MYO1H: variants seen among roughly 807,000 people sequenced by gnomAD.
The protein encoded by MYO1H is myosin IH.
A neutral mutation model predicts 149.3 loss-of-function variants in MYO1H; 118 were observed. The ratio of observed to expected loss-of-function variants is 0.79; its 90% CI spans 0.68 to 0.92. The LOEUF is 0.92. Among genes scored for constraint, MYO1H ranks in the 40% least tolerant of loss-of-function variants. The pLI is 0.00. For synonymous variants in MYO1H, 447 were observed against 465.2 expected (o/e 0.96, Z 0.50); for missense variants, 1,212 against 1,280.7 (o/e 0.95, Z 0.82).
At chr12:109,359,015 T>C (rs962784852) in intron 1 of MYO1H, among the ~76,000 whole-genome samples, 5 of 152,088 alleles carry the variant, frequency 3.3e-5, no homozygotes, top group Non-Finnish European at 5.9e-5. Context: ...CGCTGATGTA[T>C]AGCAAGTGTT....
At chr12:109,360,640 T>C (rs367746928) in intron 1 of MYO1H, among the ~76,000 whole-genome samples, 125 of 151,994 alleles carry the variant, frequency 8.2e-4, no homozygotes, top group African/African-American at 2.5e-3. Context: ...TTGGTCCTTA[T>C]GGAAGATGTG....
At chr12:109,406,948 G>A (rs1304935993) in intron 9 of MYO1H, 88 bp downstream of exon 9, 2 of 1,231,010 alleles carry the variant, frequency 1.6e-6, no homozygotes, top group Non-Finnish European at 2.4e-6. Context: ...CTCAGGGGAG[G>A]CCAAACCTTT....
At chr12:109,445,231 CAG>C (rs1485011679) in intron 30 of MYO1H, among the ~76,000 whole-genome samples, 12 of 152,320 alleles carry the variant, frequency 7.9e-5, no homozygotes, top group Admixed American at 6.5e-4. Context: ...CTCAGCCCCT[CAG>C]AGTTTCAGTG....
chr12:109,409,451 G>A, intron 10 of MYO1H, 106 bp from the exon 11 acceptor site: 1 of 927,528 alleles, frequency 1.1e-6, no homozygotes, highest in East Asian at 2.4e-5. Context: ...GGAGACAGAG[G>A]ACATATGAGC....
chr12:109,330,783 G>T, the MYO1H span, among the ~76,000 whole-genome samples: 1 of 152,150 alleles, frequency 6.6e-6, no homozygotes, highest in African/African-American at 2.4e-5. Flanking sequence ...AAATTGCATT[G>T]TGGGATTTCC....
In MYO1H at chr12:109,405,222, A is replaced by C. The variant is rs572675627; in HGVS notation, c.850-700A>C. ...AGCAAGACCCTGTCTCTTAAAAAAAAAGATAGATGGATGGATAGATAGATA... is the reference window on the plus strand; with the variant it reads ...AGCAAGACCCTGTCTCTTAAAAAAACAGATAGATGGATGGATAGATAGATA... On this transcript the variant is annotated intron_variant, in intron 7 of 31. Coordinates refer to ENST00000310903, the Ensembl canonical transcript of MYO1H. 4.1e-4 allele frequency among the ~76,000 whole-genome samples: 63 copies of C among 152,258 alleles called. 2 individuals carry two copies. Among genetic ancestry groups the C allele is most frequent in the Admixed American group, 3.7e-3 (56 of 15,288 alleles).
At chr12:109,362,982 C>T (rs1271574369) in intron 1 of MYO1H, among the ~76,000 whole-genome samples, 1 of 152,182 alleles carries the variant, frequency 6.6e-6, no homozygotes, top group Admixed American at 6.5e-5. Flanking sequence ...TGGAGAGTCC[C>T]TCGTTCATAG....
At chr12:109,326,749 G>A in the MYO1H span, among the ~76,000 whole-genome samples, 8 of 151,776 alleles carry the variant, frequency 5.3e-5, no homozygotes. Flanking sequence ...CAAATCCCTG[G>A]CTTCAAGCAA....
intron 7 of MYO1H, among the ~76,000 whole-genome samples, chr12:109,405,230 T>C (rs1339340130): frequency 2.0e-5 from 3 of 151,966 alleles, no homozygotes; most frequent in South Asian, 4.2e-4. Flanking sequence ...AAAAGATAGA[T>C]GGATGGATAG....
chr12:109,391,015 G>A (rs147999786), intron 2 of MYO1H, among the ~76,000 whole-genome samples: 287 of 152,260 alleles, frequency 1.9e-3, no homozygotes, highest in South Asian at 3.7e-3. Context: ...TCAGGTTTAC[G>A]TGCTCCCCTC....
At chr12:109,446,048 GAAAAATATGTAAGAAAGAAATGTGTA>G (rs1230945415) in intron 31 of MYO1H, 7 of 985,064 alleles carry the variant, frequency 7.1e-6, no homozygotes, top group Non-Finnish European at 8.4e-6. Flanking sequence ...ATAAACGTAA[GAAAAATATGTAAGAAAGAAATGTGTA>G]AAAAATATGT....
At chr12:109,388,811 C>T (rs1869506104) in exon 2 of MYO1H, 3 of 1,613,068 alleles carry the variant, frequency 1.9e-6, no homozygotes, top group Admixed American at 1.7e-5. Flanking sequence ...TTGTCGACAA[C>T]CTCCGCAAGC....
intron 10 of MYO1H, 47 bp downstream of exon 10, chr12:109,407,960 G>A (rs763755747): frequency 2.5e-6 from 4 of 1,572,428 alleles, no homozygotes; most frequent in Non-Finnish European, 3.4e-6. Flanking sequence ...ACGTGGTGAT[G>A]TTTTATAATC....
the MYO1H span, among the ~76,000 whole-genome samples, chr12:109,329,784 ATTATATGCCAG>A: frequency 6.6e-6 from 1 of 152,254 alleles, no homozygotes; most frequent in African/African-American, 2.4e-5. Flanking sequence ...TCATGTGCCA[ATTATATGCCAG>A]TGATTATGCC....
At chr12:109,386,497 G>A (rs890824650) in intron 1 of MYO1H, among the ~76,000 whole-genome samples, 12 of 152,160 alleles carry the variant, frequency 7.9e-5, no homozygotes, top group Non-Finnish European at 1.2e-4. Flanking sequence ...TGTCTGCTCC[G>A]CATCCTCACC....
At chr12:109,440,685 C>A in intron 24 of MYO1H, 59 bp from the exon 25 acceptor site, 2 of 1,273,934 alleles carry the variant, frequency 1.6e-6, no homozygotes, top group Non-Finnish European at 1.1e-6. Flanking sequence ...ATTTTGATCG[C>A]CACAGCCCCA....
the MYO1H span, among the ~76,000 whole-genome samples, chr12:109,332,242 A>C: frequency 6.6e-6 from 1 of 152,236 alleles, no homozygotes; most frequent in Non-Finnish European, 1.5e-5. Flanking sequence ...CAGAAGTTCT[A>C]AAGTTAAAGG....
intron 15 of MYO1H, among the ~76,000 whole-genome samples, chr12:109,416,709 C>T (rs1415585376): frequency 6.6e-6 from 1 of 152,086 alleles, no homozygotes; most frequent in Non-Finnish European, 1.5e-5. Flanking sequence ...GGTAACTCGG[C>T]CGGGTGTGAT....
At chr12:109,409,485 G>A (rs1870568550) in intron 10 of MYO1H, 72 bp from the exon 11 acceptor site, 1 of 1,316,716 alleles carries the variant, frequency 7.6e-7, no homozygotes, top group Non-Finnish European at 1.1e-6. Flanking sequence ...CCCAGTTTAG[G>A]GGAGCAGCAA....
Sources: gnomAD v4.1 joint callset for allele counts (sites outside exome capture counted in the v4.1 genomes callset) on GRCh38, gnomAD v4.1.1 for gene constraint, MANE v1.5 for transcripts, NCBI Gene and HGNC (gene_info 2026-07-23, HGNC 2026-07-21) for gene names.